Variants in PARD3B observed in about 807,000 individuals in gnomAD.
The protein encoded by PARD3B is par-3 family cell polarity regulator beta, also known as partitioning defective 3 homolog B.
A neutral mutation model predicts 130.2 loss-of-function variants in PARD3B; 103 were observed. The observed-to-expected ratio is 0.79, with a 90% CI of 0.67 to 0.93. The LOEUF is 0.93. Among genes scored for constraint, PARD3B ranks in the 40% least tolerant of loss-of-function variants. The pLI is 0.00. For missense variants in PARD3B, 1,609 were observed against 1,499.2 expected (o/e 1.07, Z -1.21); for synonymous variants, 583 against 553.2 (o/e 1.05, Z -0.76).
chr2:205,301,337 C>A lies in PARD3B; in HGVS notation c.2393-127C>A, dbSNP rs1264519485. ...TCAGATCTTCAAAGGGCGCACGTAACCACATAGAAGGGTAGAACTACAGAG... is the reference window on the plus strand; with the variant it reads ...TCAGATCTTCAAAGGGCGCACGTAAACACATAGAAGGGTAGAACTACAGAG... On this transcript the variant is annotated intron_variant, in intron 17 of 22. Coordinates refer to ENST00000406610, the MANE Select transcript of PARD3B (RefSeq NM_001302769.2). The surrounding 1 kb of genome is among the most constrained non-coding windows in gnomAD (Gnocchi z 5.2). 1.4e-6 allele frequency: 2 copies of A among 1,468,382 alleles called. No individual in the cohort carries two copies. The highest frequency in any genetic ancestry group is 1.8e-6 in the Non-Finnish European group (2 of 1,099,970). The allele number at this position is 1,468,382 out of a possible 1,614,324, so 91.0% of individuals were successfully genotyped here.
intron 18 of PARD3B, among the ~76,000 whole-genome samples, chr2:205,331,387 A>G (rs1331321601): frequency 2.0e-5 from 3 of 151,994 alleles, no homozygotes; most frequent in Non-Finnish European, 4.4e-5. Context: ...CCCTTTTCCT[A>G]GAAACCTAAG....
chr2:204,677,190 C>G lies in PARD3B; in HGVS notation c.121-8991C>G, dbSNP rs1002009809. On this transcript the variant is annotated intron_variant, in intron 1 of 22. Transcript: ENST00000406610. This position sits in a 1 kb window ranked among gnomAD's most constrained non-coding sequence, Gnocchi z 4.1. ...GGAGGTCTAAGTGTTTAAGGTAAAA[C>G]TTTTACATAAAATATAGTCTCCAGT... Among the ~76,000 whole-genome samples, 1 of 152,120 alleles carries G rather than the reference C, an allele frequency of 6.6e-6. No homozygotes were observed. Among genetic ancestry groups the G allele is most frequent in the Non-Finnish European group, 1.5e-5 (1 of 68,034 alleles).
intron 1 of PARD3B, among the ~76,000 whole-genome samples, chr2:204,562,787 A>T (rs907561532): frequency 5.3e-5 from 8 of 152,010 alleles, no homozygotes; most frequent in South Asian, 2.1e-4. Flanking sequence ...ATTTTCCCAG[A>T]ACCTTAAAAA....
At chr2:205,022,619 A>C (rs577529893) in intron 3 of PARD3B, among the ~76,000 whole-genome samples, 2 of 152,310 alleles carry the variant, frequency 1.3e-5, no homozygotes, top group Middle Eastern at 6.8e-3. Context: ...TGGAAGATGA[A>C]GAGAAAATCC....
At chr2:205,503,811 G>T (rs1469411990) in intron 21 of PARD3B, among the ~76,000 whole-genome samples, 1 of 152,062 alleles carries the variant, frequency 6.6e-6, no homozygotes, top group Non-Finnish European at 1.5e-5. Context: ...CATGAGCATG[G>T]AATGTTCTTC....
chr2:204,646,940 A>G (rs115787540), intron 1 of PARD3B, among the ~76,000 whole-genome samples: 1 of 152,190 alleles, frequency 6.6e-6, no homozygotes, highest in East Asian at 1.9e-4. Flanking sequence ...GAAATTATCT[A>G]TTACAAATTC....
At chr2:204,546,225 G>C in intron 1 of PARD3B, 106 bp downstream of exon 1, 1 of 1,450,042 alleles carries the variant, frequency 6.9e-7, no homozygotes, top group Non-Finnish European at 9.4e-7. Context: ...GGATTATGGG[G>C]CACTGCCTGT....
intron 20 of PARD3B, among the ~76,000 whole-genome samples, chr2:205,451,520 G>C (rs1019759927): frequency 2.6e-5 from 4 of 151,842 alleles, no homozygotes; most frequent in Non-Finnish European, 4.4e-5. Context: ...TAATGCAAAA[G>C]TTATAGATTC....
intron 6 of PARD3B, among the ~76,000 whole-genome samples, 181 bp downstream of exon 6, chr2:205,113,758 A>T (rs1703825599): frequency 6.6e-6 from 1 of 152,132 alleles, no homozygotes; most frequent in African/African-American, 2.4e-5. Flanking sequence ...TGACTTTAGG[A>T]TGTAATGGGG....
intron 1 of PARD3B, among the ~76,000 whole-genome samples, chr2:204,594,974 CT>C (rs2033223678): frequency 2.0e-5 from 3 of 152,144 alleles, no homozygotes; most frequent in African/African-American, 7.2e-5. Context: ...CTCCAGTGAT[CT>C]GACTAGAGAA....
At chr2:204,714,088 G>A (rs1454590500) in intron 2 of PARD3B, among the ~76,000 whole-genome samples, 1 of 152,110 alleles carries the variant, frequency 6.6e-6, no homozygotes, top group African/African-American at 2.4e-5. Flanking sequence ...GGTCATACCT[G>A]TATCTGTGAT....
At chr2:204,652,528 A>G (rs1237453110) in intron 1 of PARD3B, among the ~76,000 whole-genome samples, 1 of 152,154 alleles carries the variant, frequency 6.6e-6, no homozygotes, top group Non-Finnish European at 1.5e-5. Context: ...AAACCATTCA[A>G]CAAGTATCTA....
intron 4 of PARD3B, among the ~76,000 whole-genome samples, chr2:205,065,114 A>C (rs1022746069): frequency 5.9e-5 from 9 of 152,342 alleles, no homozygotes; most frequent in African/African-American, 2.2e-4. Context: ...TGGCCTCAAT[A>C]GGGCAAGCTG....
chr2:204,604,528 A>G lies in PARD3B; in HGVS notation c.120+58409A>G, dbSNP rs1172832424. Among the ~76,000 whole-genome samples the G allele has an allele frequency of 1.3e-5, 2 of 152,258 alleles. 1 individual carries two copies. The highest frequency in any genetic ancestry group is 4.1e-4 in the South Asian group (2 of 4,820). On this transcript the variant is annotated intron_variant, in intron 1 of 22. Transcript: ENST00000406610. ...CATATGTTTTAAACTGTTTCCTGAA[A>G]CACGCTGAGATTAAAAAAATTTATG...
chr2:205,100,820 A>G (rs183331351), intron 4 of PARD3B, among the ~76,000 whole-genome samples: 1,786 of 152,282 alleles, frequency 0.012, 21 homozygotes, highest in Middle Eastern at 0.058. Flanking sequence ...CCTTCCTCAC[A>G]CAGTGTGCAG....
rs954183864 is a variant in PARD3B, at chr2:205,121,981, A to G, written c.1165+32A>G. On this transcript the variant is annotated intron_variant, in intron 8 of 22. Transcript: ENST00000406610. The surrounding 1 kb of genome is among the most constrained non-coding windows in gnomAD (Gnocchi z 5.0). The stretch of plus-strand genomic sequence containing the variant: ...ATTAAATTATGCCTAATAGCATTCT[A>G]TTATTGTAACATGTAAAATTGGTTA... The G allele has an allele frequency of 6.6e-7, 1 of 1,524,456 alleles. No individual in the cohort carries two copies. Among genetic ancestry groups the G allele is most frequent in the Non-Finnish European group, 8.9e-7 (1 of 1,120,482 alleles). The allele number at this position is 1,524,456 out of a possible 1,614,324, so 94.4% of individuals were successfully genotyped here.
At chr2:205,233,892 T>A (rs2038951970) in intron 15 of PARD3B, among the ~76,000 whole-genome samples, 1 of 152,200 alleles carries the variant, frequency 6.6e-6, no homozygotes, top group South Asian at 2.1e-4. Flanking sequence ...TTAATGCATA[T>A]GACATTGCAA....
chr2:204,557,358 A>C (rs1012138019), intron 1 of PARD3B, among the ~76,000 whole-genome samples: 3 of 152,114 alleles, frequency 2.0e-5, no homozygotes, highest in African/African-American at 7.2e-5. Context: ...TTGGTTGTCT[A>C]ATCTAGAAAC....
intron 16 of PARD3B, among the ~76,000 whole-genome samples, chr2:205,284,996 T>TG (rs2041337375): frequency 1.3e-5 from 2 of 151,314 alleles, no homozygotes; most frequent in Admixed American, 6.6e-5. Context: ...CAAAACAGTT[T>TG]TTTTTTTTTT....
Sources: gnomAD v4.1 joint callset for allele counts (sites outside exome capture counted in the v4.1 genomes callset) on GRCh38, gnomAD v4.1.1 for gene constraint, Gnocchi (gnomAD v3.1) non-coding constraint, MANE v1.5 for transcripts, NCBI Gene and HGNC (gene_info 2026-07-23, HGNC 2026-07-21) for gene names.